Variants in CCNJL observed in about 807,000 individuals in gnomAD.
The protein encoded by CCNJL is cyclin-J-like protein.
In CCNJL, 33 loss-of-function variants were observed where a neutral mutation model predicts 33.4. The observed-to-expected ratio is 0.99, with a 90% confidence interval of 0.75 to 1.32. The LOEUF (loss-of-function observed/expected upper bound fraction) is 1.32. Ranked by LOEUF, CCNJL falls within the 40% of genes most tolerant of loss-of-function variation. The pLI is 0.00. For synonymous variants in CCNJL, 227 were observed against 220.9 expected, an observed-to-expected ratio of 1.03 and a Z score of -0.24; for missense variants, 512 against 499.7, an observed-to-expected ratio of 1.02 and a Z score of -0.23.
chr5:160,290,467 C>T (rs1436365081), intron 2 of CCNJL, among the ~76,000 whole-genome samples: 2 of 152,172 alleles, frequency 1.3e-5, no homozygotes, highest in Admixed American at 1.3e-4. Context: ...GGGTTTTCAC[C>T]ATGTTGGCCA....
At chr5:160,320,801 CTTTCTTTCT>C (rs1763433347) in intron 1 of CCNJL, among the ~76,000 whole-genome samples, 2 of 59,584 alleles carry the variant, frequency 3.4e-5, no homozygotes, top group Non-Finnish European at 7.6e-5. Flanking sequence ...TTCTTTCTTT[CTTTCTTTCT>C]TTCTTTCTTT....
At chr5:160,293,701 G>T (rs1429458725) in intron 2 of CCNJL, among the ~76,000 whole-genome samples, 1 of 152,138 alleles carries the variant, frequency 6.6e-6, no homozygotes, top group East Asian at 1.9e-4. Context: ...ACCCTCCGAG[G>T]TGGAACCAGC....
intron 2 of CCNJL, among the ~76,000 whole-genome samples, chr5:160,282,104 G>A (rs1310848440): frequency 2.0e-5 from 3 of 152,324 alleles, no homozygotes; most frequent in South Asian, 4.1e-4. Context: ...GGATGAGATC[G>A]AAACAAATTG....
At chr5:160,307,213 G>C (rs1160982462) in intron 2 of CCNJL, among the ~76,000 whole-genome samples, 1 of 152,232 alleles carries the variant, frequency 6.6e-6, no homozygotes, top group African/African-American at 2.4e-5. Flanking sequence ...GACACCCTGA[G>C]GTCCCTCTCT....
At chr5:160,279,148 C>T (rs1489638365) in intron 3 of CCNJL, among the ~76,000 whole-genome samples, 1 of 152,136 alleles carries the variant, frequency 6.6e-6, no homozygotes, top group Admixed American at 6.5e-5. Flanking sequence ...TTTATGGAAG[C>T]CTGCCAAAAG....
intron 2 of CCNJL, among the ~76,000 whole-genome samples, chr5:160,282,996 T>C (rs1467626629): frequency 6.9e-5 from 4 of 58,168 alleles, no homozygotes; most frequent in South Asian, 7.1e-4. Context: ...TATATATATA[T>C]ATATATATAT....
In CCNJL at chr5:160,309,788, G is replaced by C. The variant is rs550780607; in HGVS notation, c.66+2070C>G. 6.3e-4 allele frequency among the ~76,000 whole-genome samples: 96 copies of C among 152,290 alleles called. 1 individual carries two copies. The highest frequency in any genetic ancestry group is 2.0e-3 in the African/African-American group (83 of 41,556). ...GGACATTATAACCAAAGGAACTTGG[G>C]ATTTGTCCTAATAAGGCCAGCTTTA... On this transcript the variant is annotated intron_variant, in intron 2 of 5. Coordinates refer to ENST00000257536, the MANE Select transcript of CCNJL (RefSeq NM_001308173.3).
At chr5:160,284,757 C>T (rs1170256530) in intron 2 of CCNJL, among the ~76,000 whole-genome samples, 13 of 152,224 alleles carry the variant, frequency 8.5e-5, no homozygotes, top group Admixed American at 7.9e-4. Context: ...ATTACTTCTT[C>T]TCCCTTATGT....
intron 1 of CCNJL, among the ~76,000 whole-genome samples, chr5:160,321,042 CTTT>C (rs1763452174): frequency 2.0e-5 from 2 of 101,664 alleles, no homozygotes; most frequent in Non-Finnish European, 3.6e-5. Flanking sequence ...TTCTTTCTTT[CTTT>C]CTTTCTTTCT....
chr5:160,326,463 G>A lies in CCNJL; in HGVS notation n.207-10958C>T, dbSNP rs540947142. ...GCATTCCAACTGCATTCCAGCCTGG[G>A]CGACAGAGCTAGACTCTGTCTCCAA... On this transcript the variant is annotated intron_variant and non_coding_transcript_variant, in intron 1 of 7. Transcript: ENST00000377503. Among the ~76,000 whole-genome samples, 4 of 130,962 alleles carry A rather than the reference G, an allele frequency of 3.1e-5. No individual in the cohort carries two copies. The South Asian group carries it at 9.6e-4, about 31-fold the overall frequency. The allele number at this position is 130,962 out of a possible 152,430, so 85.9% of individuals were successfully genotyped here.
At position 160,251,639 on chromosome 5, in the gene CCNJL, C is replaced by T. The variant is rs902946683; in HGVS notation, c.*1739G>A. 6.6e-6 allele frequency: 1 copy of T among 152,216 alleles called. No homozygotes were observed. Among genetic ancestry groups the T allele is most frequent in the African/African-American group, 2.4e-5 (1 of 41,386 alleles). 9.4% of individuals were successfully genotyped at this position (152,216 alleles called of 1,614,324 possible). ...GAGGGGCCGGCCCAAGAGGGGATGC[C>T]TAGGACAAGAGGTGAGAGATCAAGA... On this transcript the variant is annotated 3_prime_UTR_variant, in exon 6 of 6. Coordinates refer to ENST00000257536, the MANE Select transcript of CCNJL (RefSeq NM_001308173.3).
chr5:160,286,555 T>C (rs979796574), intron 2 of CCNJL, among the ~76,000 whole-genome samples: 1 of 152,080 alleles, frequency 6.6e-6, no homozygotes, highest in Non-Finnish European at 1.5e-5. Flanking sequence ...CGAGAATCAC[T>C]TGAACCCGGG....
chr5:160,296,844 T>C (rs1762763462), intron 2 of CCNJL, among the ~76,000 whole-genome samples: 1 of 152,204 alleles, frequency 6.6e-6, no homozygotes, highest in Non-Finnish European at 1.5e-5. Context: ...CACCTCCTCC[T>C]TGAAGCTTTT....
At chr5:160,266,166 A>G (rs1362997407) in intron 3 of CCNJL, among the ~76,000 whole-genome samples, 1 of 152,214 alleles carries the variant, frequency 6.6e-6, no homozygotes, top group Non-Finnish European at 1.5e-5. Flanking sequence ...CTATCTTCCC[A>G]GGTGCATGTG....
chr5:160,328,698 C>T (rs528160422), intron 1 of CCNJL, among the ~76,000 whole-genome samples: 3 of 149,028 alleles, frequency 2.0e-5, no homozygotes, highest in South Asian at 2.1e-4. Context: ...GGTGAAACCC[C>T]GTCTCTATTA....
intron 2 of CCNJL, among the ~76,000 whole-genome samples, chr5:160,303,927 C>T (rs1474867290): frequency 1.7e-5 from 2 of 116,308 alleles, no homozygotes; most frequent in Middle Eastern, 3.4e-3. Context: ...CTTAAATGTC[C>T]TCCACTCCCT....
rs1760783564 is a variant in CCNJL, at chr5:160,250,884, T to A, written c.*2494A>T. 6.6e-6 allele frequency: 1 copy of A among 152,216 alleles called. No individual in the cohort carries two copies. The highest frequency in any genetic ancestry group is 2.1e-4 in the South Asian group (1 of 4,834). The allele number at this position is 152,216 out of a possible 1,614,324, so 9.4% of individuals were successfully genotyped here. On this transcript the variant is annotated 3_prime_UTR_variant, in exon 6 of 6. Coordinates refer to ENST00000257536, the MANE Select transcript of CCNJL (RefSeq NM_001308173.3). ...TGGCCTTGATGTACATTATGTTATT[T>A]AATCCTCTTAAGAACCCTATGAGGC...
At chr5:160,314,556 T>A (rs780483866), upstream of CCNJL, among the ~76,000 whole-genome samples, 6 of 152,136 alleles carry the variant, frequency 3.9e-5, no homozygotes, top group Non-Finnish European at 7.4e-5. Context: ...TACTAAGACA[T>A]GGGAAGAAAC....
At chr5:160,305,581 G>A (rs953118561) in intron 2 of CCNJL, among the ~76,000 whole-genome samples, 4 of 152,212 alleles carry the variant, frequency 2.6e-5, no homozygotes, top group Non-Finnish European at 5.9e-5. Context: ...GAGAGCGCCA[G>A]AAAACAAACT....
Sources: gnomAD v4.1 joint callset for allele counts (sites outside exome capture counted in the v4.1 genomes callset) on GRCh38, gnomAD v4.1.1 for gene constraint, MANE v1.5 for transcripts, NCBI Gene and HGNC (gene_info 2026-07-23, HGNC 2026-07-21) for gene names.